The following PNOC variants were observed in gnomAD, a reference collection of about 807,000 sequenced individuals.
PNOC encodes the protein prepronociceptin.
PNOC carries 10 observed loss-of-function variants against 15.6 expected under a neutral mutation model. That is an observed-to-expected ratio of 0.64 (90% CI 0.40 to 1.09). The LOEUF is 1.09. Ranked by LOEUF, PNOC falls within the 50% of genes least tolerant of loss-of-function variation. The pLI is 0.01. For missense variants in PNOC, 220 were observed against 223.9 expected (o/e 0.98, Z 0.11); for synonymous variants, 98 against 88.5 (o/e 1.11, Z -0.60).
chr8:28,335,285 G>A (rs1449308998), intron 2 of PNOC, among the ~76,000 whole-genome samples: 2 of 152,170 alleles, frequency 1.3e-5, no homozygotes, highest in African/African-American at 2.4e-5. Context: ...TAGATGTCTT[G>A]GACTGGGCCA....
At chr8:28,327,784 G>A (rs1032637874) in intron 1 of PNOC, among the ~76,000 whole-genome samples, 6 of 151,560 alleles carry the variant, frequency 4.0e-5, no homozygotes, top group African/African-American at 1.5e-4. Flanking sequence ...CCAAAGTGCT[G>A]GGATTACAGG....
intron 1 of PNOC, among the ~76,000 whole-genome samples, chr8:28,319,757 C>T (rs1296631591): frequency 6.6e-6 from 1 of 152,090 alleles, no homozygotes; most frequent in African/African-American, 2.4e-5. Context: ...TCTTGCATTC[C>T]GAGTCTGGGT....
chr8:28,320,868 A>AG (rs1029795116), intron 1 of PNOC, among the ~76,000 whole-genome samples: 5 of 151,364 alleles, frequency 3.3e-5, no homozygotes, highest in African/African-American at 1.2e-4. Context: ...AAAAAAAAAA[A>AG]GAAGAAGAAG....
At chr8:28,326,644 A>G (rs1339819145) in intron 1 of PNOC, among the ~76,000 whole-genome samples, 2 of 151,968 alleles carry the variant, frequency 1.3e-5, no homozygotes, top group Non-Finnish European at 2.9e-5. Context: ...GGCAGATCAC[A>G]AGGTCAGGAG....
intron 2 of PNOC, among the ~76,000 whole-genome samples, chr8:28,337,136 G>C (rs1801424797): frequency 6.6e-6 from 1 of 152,154 alleles, no homozygotes; most frequent in South Asian, 2.1e-4. Context: ...GCAGCTTCTA[G>C]CCCATGACTC....
At chr8:28,324,713 A>G (rs1029119148) in intron 1 of PNOC, among the ~76,000 whole-genome samples, 1 of 152,116 alleles carries the variant, frequency 6.6e-6, no homozygotes, top group Non-Finnish European at 1.5e-5. Flanking sequence ...TAATACAAAA[A>G]TTAGCTGGGG....
chr8:28,327,071 T>C (rs1046427982), intron 1 of PNOC, among the ~76,000 whole-genome samples: 1 of 152,246 alleles, frequency 6.6e-6, no homozygotes, highest in Admixed American at 6.5e-5. Flanking sequence ...TTAAGGGAAC[T>C]GCATACAGTG....
At chr8:28,336,571 C>G (rs1254279307) in intron 2 of PNOC, among the ~76,000 whole-genome samples, 1 of 152,112 alleles carries the variant, frequency 6.6e-6, no homozygotes, top group African/African-American at 2.4e-5. Flanking sequence ...GATGAAGAAT[C>G]GGAAATAAGA....
chr8:28,327,627 C>A (rs959664247), intron 1 of PNOC, among the ~76,000 whole-genome samples: 1 of 148,036 alleles, frequency 6.8e-6, no homozygotes, highest in Non-Finnish European at 1.5e-5. Flanking sequence ...AGTGCAGTGG[C>A]GTGATCTTGG....
chr8:28,317,722 C>A (rs1554516331), intron 1 of PNOC, among the ~76,000 whole-genome samples: 1 of 152,090 alleles, frequency 6.6e-6, no homozygotes, highest in Non-Finnish European at 1.5e-5. Context: ...AGACCCTGGC[C>A]CCCTCATGAG....
intron 1 of PNOC, among the ~76,000 whole-genome samples, chr8:28,325,870 G>A (rs1308695497): frequency 6.6e-6 from 1 of 152,126 alleles, no homozygotes; most frequent in Non-Finnish European, 1.5e-5. Flanking sequence ...TCAGATTGGA[G>A]ATGGCTTGGG....
At chr8:28,336,186 C>T (rs1285686100) in intron 2 of PNOC, among the ~76,000 whole-genome samples, 1 of 152,224 alleles carries the variant, frequency 6.6e-6, no homozygotes, top group Non-Finnish European at 1.5e-5. Flanking sequence ...TTCAACTAAC[C>T]TCTACTGGAA....
At chr8:28,338,758 C>T in intron 2 of PNOC, 1 of 1,152,144 alleles carries the variant, frequency 8.7e-7, no homozygotes, top group East Asian at 4.2e-5. Flanking sequence ...CCTGTGTTAA[C>T]TTCCTATGTT....
At chr8:28,319,715 C>T (rs2129837285) in intron 1 of PNOC, among the ~76,000 whole-genome samples, 1 of 152,284 alleles carries the variant, frequency 6.6e-6, no homozygotes, top group East Asian at 1.9e-4. Flanking sequence ...AGCTCCACAG[C>T]TCCCAAAGCC....
At chr8:28,330,396 A>ATTTTTTTTTTTTTTTTTTTTTTTTTT (rs67554549) in intron 2 of PNOC, among the ~76,000 whole-genome samples, 3 of 80,416 alleles carry the variant, frequency 3.7e-5, no homozygotes, top group Non-Finnish European at 5.3e-5. Context: ...ATTTTATTTT[A>ATTTTTTTTTTTTTTTTTTTTTTTTTT]TTTTTTTTTT....
At chr8:28,322,715 A>T (rs931688619) in intron 1 of PNOC, among the ~76,000 whole-genome samples, 2 of 152,254 alleles carry the variant, frequency 1.3e-5, no homozygotes, top group African/African-American at 4.8e-5. Flanking sequence ...ATGAGATGCC[A>T]TCAGAATCTG....
chr8:28,332,041 T>C (rs866409513), intron 2 of PNOC, among the ~76,000 whole-genome samples: 3 of 152,228 alleles, frequency 2.0e-5, no homozygotes, highest in Admixed American at 6.5e-5. Flanking sequence ...CATCTCTCCA[T>C]AGCATCTTAA....
intron 2 of PNOC, among the ~76,000 whole-genome samples, chr8:28,332,861 G>A (rs1396079713): frequency 1.3e-5 from 2 of 152,182 alleles, no homozygotes; most frequent in East Asian, 1.9e-4. Flanking sequence ...TGAGGCAGAA[G>A]AATCACTTAA....
intron 2 of PNOC, chr8:28,338,500 A>G: frequency 3.0e-6 from 2 of 668,366 alleles, no homozygotes; most frequent in Non-Finnish European, 3.7e-6. Context: ...ATACACAGAT[A>G]GTGACGACTG....
Sources: allele counts gnomAD v4.1 joint callset (sites outside exome capture counted in the v4.1 genomes callset), GRCh38; gene constraint gnomAD v4.1.1; transcripts MANE v1.5; gene names NCBI Gene and HGNC (gene_info 2026-07-23, HGNC 2026-07-21).